EMC10: variants seen among roughly 807,000 people sequenced by gnomAD.
The protein encoded by EMC10 is ER membrane protein complex subunit 10, also known as UPF0510 protein INM02.
A neutral mutation model predicts 32.2 loss-of-function variants in EMC10; 40 were observed. The observed-to-expected ratio is 1.24, with a 90% CI of 0.96 to 1.61. The LOEUF is 1.61. EMC10 is among the 40% of genes most tolerant of loss of function. EMC10 has a pLI of 0.00. For missense variants in EMC10, 402 were observed against 357.7 expected, an observed-to-expected ratio of 1.12 and a Z score of -1.00; for synonymous variants, 178 against 158.4, an observed-to-expected ratio of 1.12 and a Z score of -0.93.
chr19:50,482,018 C>T, intron 6 of EMC10, 131 bp from the exon 7 acceptor site: 2 of 1,580,900 alleles, frequency 1.3e-6, no homozygotes, highest in East Asian at 2.2e-5. Context: ...CGTAGGGGAC[C>T]TGGGCGCCCT....
At chr19:50,481,285 T>C (rs909674156) in intron 6 of EMC10, 1 of 342,892 alleles carries the variant, frequency 2.9e-6, no homozygotes, top group Non-Finnish European at 5.3e-6. Flanking sequence ...CAGGGAGGCT[T>C]GGAAAGGAGG....
chr19:50,482,456 G>A lies in EMC10; in HGVS notation c.*197G>A, dbSNP rs1419398094. 3.4e-6 allele frequency: 2 copies of A among 588,944 alleles called. No individual in the cohort carries two copies. The highest frequency in any genetic ancestry group is 2.0e-5 in the South Asian group (1 of 49,126). 36.5% of individuals were successfully genotyped at this position (588,944 alleles called of 1,614,324 possible). A position where few individuals can be genotyped will look rare whatever the true frequency, so the allele number is the denominator to read the frequency against. ...CAGCTGGACTGGGGCCTTTGGCACA[G>A]CAGCCGGTGTCTCCTGCGCCCGCCT... On this transcript the variant is annotated 3_prime_UTR_variant, in exon 7 of 7. Coordinates refer to ENST00000334976, the MANE Select transcript of EMC10 (RefSeq NM_206538.4).
At chr19:50,481,623 A>G in intron 6 of EMC10, 1 of 541,566 alleles carries the variant, frequency 1.8e-6, no homozygotes, top group East Asian at 3.3e-5. Flanking sequence ...GAGGCAGGCT[A>G]GGAGGATGCT....
Position 50,490,119 on chromosome 19 carries a change from ACAAT to A in EMC10, c.*7861_*7864del, listed in dbSNP as rs1477117806. The A allele has an allele frequency of 1.3e-5, 1 of 76,238 alleles. No individual in the cohort carries two copies. The highest frequency in any genetic ancestry group is 2.3e-5 in the Non-Finnish European group (1 of 42,774). The allele number at this position is 76,238 out of a possible 1,614,324, so 4.7% of individuals were successfully genotyped here. A position where few individuals can be genotyped will look rare whatever the true frequency, so the allele number is the denominator to read the frequency against. On this transcript the variant is annotated 3_prime_UTR_variant, in exon 7 of 7. Transcript: ENST00000334976. ...TAGGAACCTGGATAAAATAGTCTTA[ACAAT>A]TTTTTTTTTGAGACGGAGTCTTGCT...
intron 6 of EMC10, chr19:50,481,800 T>TGCTGGCCCTCAGGCCCCACGGCAGCCC: frequency 4.8e-6 from 7 of 1,452,984 alleles, no homozygotes; most frequent in Non-Finnish European, 6.4e-6. Flanking sequence ...TCCCACTCCC[T>TGCTGGCCCTCAGGCCCCACGGCAGCCC]GCTGGCCCTC....
At chr19:50,476,975 A>G (rs1223175252) in intron 1 of EMC10, 3 of 270,980 alleles carry the variant, frequency 1.1e-5, no homozygotes, top group Non-Finnish European at 2.1e-5. Context: ...AGGCAAGGTG[A>G]AGCCGGGCGC....
At position 50,483,359 on chromosome 19, in the gene EMC10, T is replaced by A. The variant is rs544806506; in HGVS notation, c.*1100T>A. On this transcript the variant is annotated 3_prime_UTR_variant, in exon 7 of 7. Transcript: ENST00000334976. The stretch of plus-strand genomic sequence containing the variant: ...CCCCCAGATCGACACGCAGCTAGCC[T>A]CCTGCATTGTATGGTTATAAATAGC... 3.1e-6 allele frequency: 1 copy of A among 324,888 alleles called. No individual in the cohort carries two copies. Among genetic ancestry groups the A allele is most frequent in the Non-Finnish European group, 6.1e-6 (1 of 163,754 alleles). The allele number at this position is 324,888 out of a possible 1,614,324, so 20.1% of individuals were successfully genotyped here.
At chr19:50,479,622 C>G (rs1194524664) in intron 3 of EMC10, among the ~76,000 whole-genome samples, 1 of 152,224 alleles carries the variant, frequency 6.6e-6, no homozygotes, top group African/African-American at 2.4e-5. Flanking sequence ...CACTTCCACC[C>G]ATCAGCCAGA....
chr19:50,481,992 C>G, intron 6 of EMC10, 157 bp from the exon 7 acceptor site: 1 of 1,603,864 alleles, frequency 6.2e-7, no homozygotes, highest in Non-Finnish European at 8.5e-7. Context: ...CACTGGCCCT[C>G]CCTGACCTGT....
Position 50,488,277 on chromosome 19 carries a change from CAG to C in EMC10, c.*6021_*6022del, listed in dbSNP as rs1978449215. 9.9e-6 allele frequency: 1 copy of C among 100,686 alleles called. No individual in the cohort carries two copies. 6.2% of individuals were successfully genotyped at this position (100,686 alleles called of 1,614,324 possible). A position where few individuals can be genotyped will look rare whatever the true frequency, so the allele number is the denominator to read the frequency against. ...CGCCACTGCACTCCAGCCTGGGCGA[CAG>C]AGCGAGACTCCGTCTCAAAAAAAAA... On this transcript the variant is annotated 3_prime_UTR_variant, in exon 7 of 7. Transcript: ENST00000334976.
rs886149006 is a variant in EMC10, at chr19:50,482,918, C to T, written c.*659C>T. ...AATCCTTGCCTTTAAGGTGACAGGC[C>T]CTCCACAGGCTTCCAGACTTGAAGG... On this transcript the variant is annotated 3_prime_UTR_variant, in exon 7 of 7. Coordinates refer to ENST00000334976, the MANE Select transcript of EMC10 (RefSeq NM_206538.4). 4.1e-5 allele frequency: 23 copies of T among 559,636 alleles called. No homozygotes were observed. The highest frequency in any genetic ancestry group is 6.3e-5 in the Non-Finnish European group (20 of 316,652). 34.7% of individuals were successfully genotyped at this position (559,636 alleles called of 1,614,324 possible). A position where few individuals can be genotyped will look rare whatever the true frequency, so the allele number is the denominator to read the frequency against.
At position 50,476,786 on chromosome 19, in the gene EMC10, A is replaced by C. The variant is rs1323725538; in HGVS notation, c.114+128A>C. ...AGGGAAGAGGTGGGAGATCCCTGGA[A>C]AGCCAGGCCTCAGTCACGCACGCGC... On this transcript the variant is annotated intron_variant, in intron 1 of 6. Coordinates refer to ENST00000334976, the MANE Select transcript of EMC10 (RefSeq NM_206538.4). The C allele has an allele frequency of 4.8e-6, 3 of 626,466 alleles. No individual in the cohort carries two copies. The Admixed American group carries it at 1.1e-4, about 23-fold the overall frequency. The allele number at this position is 626,466 out of a possible 1,614,324, so 38.8% of individuals were successfully genotyped here. A position where few individuals can be genotyped will look rare whatever the true frequency, so the allele number is the denominator to read the frequency against.
Position 50,480,762 on chromosome 19 carries a change from G to C in EMC10, c.584G>C (p.Gly195Ala). ...VQLQPPTTAP[G>A]PETAAFIERL... ...CTGCAGCCGCCCACCACAGCCCCAG[G>C]GTGAGCCTCTGCTGCCTTCGCGGCG... Residue 195 changes from glycine (G) to alanine (A), a missense_variant and splice_region_variant, in exon 5 of 7, where the codon GGC becomes GCC. Transcript: ENST00000334976. This position sits in a 1 kb window ranked among gnomAD's most constrained non-coding sequence, Gnocchi z 4.4. 1 of 1,587,046 alleles carries C rather than the reference G, an allele frequency of 6.3e-7. No homozygotes were observed. The highest frequency in any genetic ancestry group is 8.6e-7 in the Non-Finnish European group (1 of 1,165,628).
Position 50,476,556 on chromosome 19 carries a change from C to G in EMC10, c.12C>G (p.Ala4=). 6.4e-7 allele frequency: 1 copy of G among 1,574,388 alleles called. No homozygotes were observed. Among genetic ancestry groups the G allele is most frequent in the Non-Finnish European group, 8.6e-7 (1 of 1,165,698 alleles). MAA[A]SAGATRLLLL... is the part of the protein sequence containing the mutation. The stretch of plus-strand genomic sequence containing the variant: ...GGGAAGAAGCCGAGATGGCGGCAGC[C>G]AGCGCTGGGGCAACCCGGCTGCTCC... The change falls in exon 1 of 7, where the codon GCC becomes GCG. Residue 4 remains alanine (A), a synonymous_variant. Coordinates refer to ENST00000334976, the MANE Select transcript of EMC10 (RefSeq NM_206538.4).
In EMC10 at chr19:50,481,747, C is replaced by T. The variant is rs946380476; in HGVS notation, c.679-402C>T. 1.4e-5 allele frequency: 12 copies of T among 861,524 alleles called. No individual in the cohort carries two copies. In the Admixed American group the frequency reaches 2.1e-4, roughly 15 times the overall value. 53.4% of individuals were successfully genotyped at this position (861,524 alleles called of 1,614,324 possible). On this transcript the variant is annotated intron_variant, in intron 6 of 6. Coordinates refer to ENST00000334976, the MANE Select transcript of EMC10 (RefSeq NM_206538.4). ...AGGGAACTGAGGCCCAGAGGCTGAG[C>T]CCTTGCCTGCTGGGCCCTGCCCTGC...
At chr19:50,478,865 C>A in intron 2 of EMC10, 92 bp from the exon 3 acceptor site, 1 of 999,354 alleles carries the variant, frequency 1.0e-6, no homozygotes, top group Non-Finnish European at 1.5e-6. Flanking sequence ...GGGTGGAGGC[C>A]AGGCCAAAAT....
intron 1 of EMC10, among the ~76,000 whole-genome samples, chr19:50,477,666 C>G (rs2040249907): frequency 1.3e-5 from 2 of 152,104 alleles, no homozygotes; most frequent in African/African-American, 4.8e-5. Context: ...TGGCGCAAGG[C>G]TTGGAAGTGA....
chr19:50,489,367 A>T lies in EMC10; in HGVS notation c.*7108A>T, dbSNP rs1978526487. The stretch of plus-strand genomic sequence containing the variant: ...GCATGAGTGTGGAAGAGCAATATGG[A>T]GAGAAAGAAGGGAGAGAGGATTGGA... On this transcript the variant is annotated 3_prime_UTR_variant, in exon 7 of 7. Coordinates refer to ENST00000334976, the MANE Select transcript of EMC10 (RefSeq NM_206538.4). The T allele has an allele frequency of 6.6e-6, 1 of 152,342 alleles. No individual in the cohort carries two copies. Among genetic ancestry groups the T allele is most frequent in the African/African-American group, 2.4e-5 (1 of 41,406 alleles). 9.4% of individuals were successfully genotyped at this position (152,342 alleles called of 1,614,324 possible). A position where few individuals can be genotyped will look rare whatever the true frequency, so the allele number is the denominator to read the frequency against.
intron 1 of EMC10, among the ~76,000 whole-genome samples, 197 bp from the exon 2 acceptor site, chr19:50,477,732 C>T (rs573110940): frequency 7.9e-4 from 120 of 152,250 alleles, no homozygotes; most frequent in African/African-American, 2.6e-3. Flanking sequence ...GTCTGGTTTT[C>T]TGGGGGTGAG....
Sources: allele counts gnomAD v4.1 joint callset (sites outside exome capture counted in the v4.1 genomes callset), GRCh38; gene constraint gnomAD v4.1.1; non-coding constraint Gnocchi (gnomAD v3.1); transcripts MANE v1.5; gene names NCBI Gene and HGNC (gene_info 2026-07-23, HGNC 2026-07-21).